NAV1: variants seen among roughly 807,000 people sequenced by gnomAD.
NAV1 encodes the protein pore membrane and/or filament interacting like protein 3.
In NAV1, 18 loss-of-function variants were observed where a neutral mutation model predicts 175.2. That is an observed-to-expected ratio of 0.10 (90% CI 0.07 to 0.15). The LOEUF (loss-of-function observed/expected upper bound fraction) is 0.15, where lower values mean the gene tolerates loss of function less well. Ranked by LOEUF, NAV1 falls within the 10% of genes least tolerant of loss-of-function variation. NAV1 has a pLI of 1.00. For missense variants in NAV1, 1,731 were observed against 2,436.6 expected (o/e 0.71, Z 6.10); for synonymous variants, 897 against 978.7 (o/e 0.92, Z 1.56).
intron 21 of NAV1, 71 bp downstream of exon 25, chr1:201,809,332 C>T: frequency 3.1e-6 from 5 of 1,591,132 alleles, no homozygotes; most frequent in Admixed American, 3.3e-5. Context: ...AAAATCTGGA[C>T]CCTGGGTACC....
chr1:201,543,880 CT>C (rs1665592239), intron 1 of NAV1, among the ~76,000 whole-genome samples: 1 of 152,218 alleles, frequency 6.6e-6, no homozygotes, highest in Non-Finnish European at 1.5e-5. Context: ...CTTCCCATCT[CT>C]ATGAATTTGT....
Position 201,782,826 on chromosome 1 carries a change from C to G in NAV1, c.2314C>G (p.Pro772Ala). ...TACTCCCAAGAACCAAGCAAGCCAC[C>G]CCACAGCCACCAAGCTGGCAGAGCT... The change falls in exon 6 of 30, where the codon CCC (proline) becomes GCC (alanine). Residue 772 changes from proline to alanine, a missense_variant. Physicochemically the swap from Pro to Ala is conservative, Grantham distance 27. This residue lies in a region of NAV1 where 634 missense variants were observed against 766.8 expected (regional missense o/e 0.83). Transcript: ENST00000367296. This position sits in a 1 kb window ranked among gnomAD's most constrained non-coding sequence, Gnocchi z 5.4. 6.2e-7 allele frequency: 1 copy of G among 1,600,112 alleles called. No homozygotes were observed. The highest frequency in any genetic ancestry group is 8.5e-7 in the Non-Finnish European group (1 of 1,171,340).
rs563135639 is a variant in NAV1, at chr1:201,808,409, A to G, written c.3846-9A>G. 19 of 1,606,144 alleles carry G rather than the reference A, an allele frequency of 1.2e-5. No individual in the cohort carries two copies. The highest frequency in any genetic ancestry group is 2.7e-5 in the African/African-American group (2 of 74,766). On this transcript the variant is annotated splice_polypyrimidine_tract_variant and intron_variant, in intron 18 of 29. Coordinates refer to ENST00000367296, the Ensembl canonical transcript of NAV1. This position sits in a 1 kb window ranked among gnomAD's most constrained non-coding sequence, Gnocchi z 5.5. ...CATGTAGCCTGGCTTGACTCTTGCT[A>G]TCTTACAGGGGCCCTGCTCACCCAG...
At chr1:201,566,009 CCTTT>C (rs1211562178) in intron 1 of NAV1, among the ~76,000 whole-genome samples, 2 of 152,200 alleles carry the variant, frequency 1.3e-5, no homozygotes, top group Non-Finnish European at 2.9e-5. Context: ...TGGCGCTGGT[CCTTT>C]CTTTCAGATC....
intron 3 of NAV1, among the ~76,000 whole-genome samples, chr1:201,736,506 TTCAGCCAAAAGAACCTTGGGCC>T (rs1258234370): frequency 3.5e-4 from 53 of 152,166 alleles, no homozygotes; most frequent in African/African-American, 1.2e-3. Context: ...GAAATGAAAC[TTCAGCCAAAAGAACCTTGGGCC>T]TCAGCCAAGG....
chr1:201,768,331 G>GAGAAAAAA (rs1675339073), intron 3 of NAV1, among the ~76,000 whole-genome samples: 1 of 52,166 alleles, frequency 1.9e-5, no homozygotes, highest in Non-Finnish European at 3.9e-5. Flanking sequence ...CTCCGTCTCA[G>GAGAAAAAA]AGAAAAAAAA....
chr1:201,755,981 CCTGTAATCCCAGCTA>C (rs908557232), intron 3 of NAV1, among the ~76,000 whole-genome samples: 19 of 152,006 alleles, frequency 1.2e-4, no homozygotes, highest in African/African-American at 4.3e-4. Flanking sequence ...GTGGTGCATG[CCTGTAATCCCAGCTA>C]CTCAGGAGGC....
chr1:201,649,951 C>G (rs1403715599), intron 1 of NAV1, among the ~76,000 whole-genome samples: 1 of 152,038 alleles, frequency 6.6e-6, no homozygotes, highest in Non-Finnish European at 1.5e-5. Flanking sequence ...GTCGGATTTC[C>G]CCGCGGTGTG....
Position 201,803,590 on chromosome 1 carries a change from T to C in NAV1, c.3518-3T>C. ...TGTTTTTCCCACTTGTACTTGGCCCTAGAACTTCGGATCAAGAGACAAAAC... is the reference window on the plus strand; with the variant it reads ...TGTTTTTCCCACTTGTACTTGGCCCCAGAACTTCGGATCAAGAGACAAAAC... On this transcript the variant is annotated splice_polypyrimidine_tract_variant and splice_region_variant and intron_variant, in intron 15 of 29. Transcript: ENST00000367296. The C allele has an allele frequency of 6.2e-7, 1 of 1,613,032 alleles. No homozygotes were observed. The highest frequency in any genetic ancestry group is 8.5e-7 in the Non-Finnish European group (1 of 1,179,394).
chr1:201,551,498 G>C (rs533712216), intron 1 of NAV1, among the ~76,000 whole-genome samples: 2 of 152,108 alleles, frequency 1.3e-5, no homozygotes, highest in Admixed American at 6.6e-5. Flanking sequence ...CAAAGTGCTG[G>C]GATTACAAAC....
rs971450152 is a variant in NAV1, at chr1:201,808,822, C to T, written c.4158C>T (p.Ser1386=). 6.2e-7 allele frequency: 1 copy of T among 1,613,834 alleles called. No homozygotes were observed. Among genetic ancestry groups the T allele is most frequent in the Non-Finnish European group, 8.5e-7 (1 of 1,180,030 alleles). The stretch of plus-strand genomic sequence containing the variant: ...CTGCATTATCTTCCCCACGCCGCTC[C>T]CTAGGCCTGGCACTCACCCATTCCT... The change falls in exon 20 of 30, where the codon TCC becomes TCT. Residue 1386 remains serine, a synonymous_variant. Transcript: ENST00000367296. The surrounding 1 kb of genome is among the most constrained non-coding windows in gnomAD (Gnocchi z 5.5).
chr1:201,817,030 T>G, intron 28 of NAV1, 58 bp from the exon 33 acceptor site: 1 of 1,531,930 alleles, frequency 6.5e-7, no homozygotes, highest in Non-Finnish European at 9.0e-7. Context: ...AAAGACTGCA[T>G]GAACAAGCCT....
chr1:201,616,864 A>G (rs1448602149), intron 2 of NAV1, among the ~76,000 whole-genome samples: 1 of 152,094 alleles, frequency 6.6e-6, no homozygotes, highest in Non-Finnish European at 1.5e-5. Flanking sequence ...TCCCCACCAG[A>G]TTGCTAGCTC....
At chr1:201,665,274 C>T (rs924388253) in intron 1 of NAV1, among the ~76,000 whole-genome samples, 1 of 151,772 alleles carries the variant, frequency 6.6e-6, no homozygotes, top group Non-Finnish European at 1.5e-5. Context: ...ATCTGCTTGG[C>T]ATTCTCTGCT....
At chr1:201,687,305 A>G (rs1301299446) in intron 1 of NAV1, among the ~76,000 whole-genome samples, 3 of 152,102 alleles carry the variant, frequency 2.0e-5, no homozygotes, top group South Asian at 4.1e-4. Context: ...CTTAAATCAT[A>G]TTACCACTCA....
In NAV1 at chr1:201,782,502, G is replaced by A. The variant is rs776631362; in HGVS notation, c.1990G>A (p.Ala664Thr). The A allele has an allele frequency of 6.2e-7, 1 of 1,613,082 alleles. No individual in the cohort carries two copies. Among genetic ancestry groups the A allele is most frequent in the Non-Finnish European group, 8.5e-7 (1 of 1,179,122 alleles). ...AGAGCCAGGATTCCTGGCTCCTGGA[G>A]CCCGTTCTAACATCCAGTACCGCAG... Residue 664 changes from alanine (A) to threonine (T), a missense_variant, in exon 6 of 30, where the codon GCC becomes ACC. Transcript: ENST00000367296. This position sits in a 1 kb window ranked among gnomAD's most constrained non-coding sequence, Gnocchi z 5.4.
chr1:201,550,901 G>T (rs187570373), intron 1 of NAV1, among the ~76,000 whole-genome samples: 2 of 152,342 alleles, frequency 1.3e-5, no homozygotes, highest in Non-Finnish European at 2.9e-5. Flanking sequence ...CTTGACTGAA[G>T]TTCCATAACC....
chr1:201,622,467 G>C (rs576431848), upstream of NAV1, among the ~76,000 whole-genome samples: 10 of 152,304 alleles, frequency 6.6e-5, no homozygotes, highest in South Asian at 2.1e-3. Context: ...GTTTAGTGTG[G>C]AGGACATTCT....
At chr1:201,671,236 T>C (rs1199066518) in intron 1 of NAV1, among the ~76,000 whole-genome samples, 1 of 152,188 alleles carries the variant, frequency 6.6e-6, no homozygotes. Flanking sequence ...TTCCCCAGGA[T>C]ATAACCAAGT....
Sources: allele counts gnomAD v4.1 joint callset (sites outside exome capture counted in the v4.1 genomes callset), GRCh38; gene constraint gnomAD v4.1.1; regional missense constraint gnomAD v4.1.1; non-coding constraint Gnocchi (gnomAD v3.1); transcripts MANE v1.5; gene names NCBI Gene and HGNC (gene_info 2026-07-23, HGNC 2026-07-21).